The following KSR2 variants were observed in gnomAD, a reference collection of about 807,000 sequenced individuals.
The protein encoded by KSR2 is kinase suppressor of ras 2.
In KSR2, 25 loss-of-function variants were observed where a neutral mutation model predicts 107.8. The ratio of observed to expected loss-of-function variants is 0.23; its 90% CI spans 0.17 to 0.32. KSR2 has a LOEUF of 0.32. KSR2 is among the 10% of genes least tolerant of loss of function. The pLI, the probability that KSR2 is intolerant of heterozygous loss-of-function variation, is 1.00. For synonymous variants in KSR2, 480 were observed against 507.0 expected, an observed-to-expected ratio of 0.95 and a Z score of 0.71; for missense variants, 887 against 1,268.9, an observed-to-expected ratio of 0.70 and a Z score of 4.57.
intron 6 of KSR2, among the ~76,000 whole-genome samples, chr12:117,581,678 T>C (rs1341374570): frequency 6.6e-6 from 1 of 152,158 alleles, no homozygotes; most frequent in Non-Finnish European, 1.5e-5. Flanking sequence ...TTATAAGGGA[T>C]GCCTGGTATA....
intron 9 of KSR2, among the ~76,000 whole-genome samples, chr12:117,547,550 C>A (rs781089863): frequency 2.0e-5 from 3 of 152,136 alleles, no homozygotes; most frequent in Middle Eastern, 3.4e-3. Flanking sequence ...CAGGGTTCAG[C>A]TTGACAAGGA....
At position 117,530,940 on chromosome 12, in the gene KSR2, C is replaced by T; in HGVS notation, c.1802+1G>A. 6.2e-7 allele frequency: 1 copy of T among 1,613,684 alleles called. No homozygotes were observed. The highest frequency in any genetic ancestry group is 8.5e-7 in the Non-Finnish European group (1 of 1,179,656). On this transcript the variant is annotated splice_donor_variant, in intron 12 of 19. Transcript: ENST00000339824. LOFTEE classifies it high-confidence loss of function. ...GGGGAAGATGTCTCTGTCTCACTTA[C>T]ATTGGATTCGAGGTCACCGGATGCA...
At chr12:117,888,511 G>A (rs1255683158) in intron 1 of KSR2, among the ~76,000 whole-genome samples, 1 of 152,140 alleles carries the variant, frequency 6.6e-6, no homozygotes, top group Non-Finnish European at 1.5e-5. Context: ...GGAGATGGGG[G>A]CCTAGGGAGT....
intron 1 of KSR2, among the ~76,000 whole-genome samples, chr12:117,914,031 T>A (rs1895103804): frequency 6.6e-6 from 1 of 152,092 alleles, no homozygotes; most frequent in South Asian, 2.1e-4. Context: ...TTACTGGCCA[T>A]GTAATATGGA....
chr12:117,469,640 G>A, intron 19 of KSR2, 22 bp downstream of exon 19: 1 of 1,609,530 alleles, frequency 6.2e-7, no homozygotes, highest in Non-Finnish European at 8.5e-7. Flanking sequence ...AGTGGGGAGA[G>A]ACATTAAGGG....
chr12:117,697,533 G>C (rs1156540642), intron 4 of KSR2, among the ~76,000 whole-genome samples: 1 of 152,116 alleles, frequency 6.6e-6, no homozygotes, highest in East Asian at 1.9e-4. Context: ...ACAAAGTCAG[G>C]AGTTCAAGAC....
At chr12:117,818,335 C>T (rs1891446407) in intron 3 of KSR2, among the ~76,000 whole-genome samples, 1 of 152,098 alleles carries the variant, frequency 6.6e-6, no homozygotes, top group African/African-American at 2.4e-5. Flanking sequence ...GAGGCTACAA[C>T]CAAGGACTCT....
In KSR2 at chr12:117,688,117, C is replaced by T. The variant is rs183413422; in HGVS notation, c.987-20459G>A. On this transcript the variant is annotated intron_variant, in intron 4 of 19. Transcript: ENST00000339824. ...TCTATTGGCCGGGTGTGGTGGCTCA[C>T]GCCTGTAATCCCAGCACTTTGGGAG... 6.1e-3 allele frequency among the ~76,000 whole-genome samples: 923 copies of T among 152,310 alleles called. 10 individuals are homozygous for T. The highest frequency in any genetic ancestry group is 9.6e-3 in the Non-Finnish European group (655 of 68,024).
At chr12:117,882,881 G>GCAT (rs1894069834) in intron 1 of KSR2, among the ~76,000 whole-genome samples, 1 of 135,722 alleles carries the variant, frequency 7.4e-6, no homozygotes, top group Non-Finnish European at 1.6e-5. Context: ...ATCCATGCAG[G>GCAT]CATCCATCCA....
chr12:117,735,371 A>G (rs1032153819), intron 4 of KSR2, among the ~76,000 whole-genome samples: 4 of 152,172 alleles, frequency 2.6e-5, no homozygotes, highest in East Asian at 1.9e-4. Flanking sequence ...GGCGCCTGCC[A>G]GTGGCCAAGC....
chr12:117,688,609 C>T (rs1281212926), intron 4 of KSR2, among the ~76,000 whole-genome samples: 4 of 152,168 alleles, frequency 2.6e-5, no homozygotes, highest in African/African-American at 9.7e-5. Context: ...AAGCAAAATA[C>T]TTTTCACATG....
chr12:117,769,270 C>T (rs747059323), intron 3 of KSR2, among the ~76,000 whole-genome samples: 6 of 152,014 alleles, frequency 3.9e-5, no homozygotes, highest in Non-Finnish European at 7.4e-5. Flanking sequence ...CGTTCACCTA[C>T]TGTTCCTCTC....
rs781719417 is a variant in KSR2, at chr12:117,539,752, A to G, written c.1654T>C (p.Cys552Arg). Residue 552 changes from cysteine to arginine, a missense_variant, in exon 10 of 20, where the codon TGC (cysteine) becomes CGC (arginine). Transcript: ENST00000339824. Reference protein sequence around the residue: ...PPSPLHPSPQCTRQQKNFNLP... With the variant: ...PPSPLHPSPQRTRQQKNFNLP... ...TTGAAGTTCTTCTGCTGCCGTGTGC[A>G]CTGTGGGGAAGGGTGTAGGGGAGAA... The G allele has an allele frequency of 1.2e-6, 2 of 1,606,926 alleles. No homozygotes were observed. The highest frequency in any genetic ancestry group is 1.1e-5 in the South Asian group (1 of 90,480).
intron 6 of KSR2, among the ~76,000 whole-genome samples, chr12:117,579,807 C>T (rs1047390589): frequency 6.6e-6 from 1 of 152,196 alleles, no homozygotes; most frequent in South Asian, 2.1e-4. Flanking sequence ...CATCAGCTCA[C>T]CTCGCTCTCC....
At chr12:117,909,782 C>T (rs773167899) in intron 1 of KSR2, among the ~76,000 whole-genome samples, 5 of 151,812 alleles carry the variant, frequency 3.3e-5, no homozygotes, top group African/African-American at 7.3e-5. Flanking sequence ...GTGGCGCATG[C>T]CTGTAGTCCC....
intron 3 of KSR2, among the ~76,000 whole-genome samples, chr12:117,822,147 A>G (rs1169517179): frequency 6.6e-6 from 1 of 152,206 alleles, no homozygotes; most frequent in African/African-American, 2.4e-5. Context: ...ATGATCTAAA[A>G]AGGGGAGGCA....
At chr12:117,880,657 C>A (rs1025930977) in intron 1 of KSR2, among the ~76,000 whole-genome samples, 23 of 151,390 alleles carry the variant, frequency 1.5e-4, no homozygotes, top group Admixed American at 8.6e-4. Flanking sequence ...CGGAGGAAGC[C>A]GTAAACATCC....
At chr12:117,566,135 C>CTCAA (rs1878477630) in intron 7 of KSR2, among the ~76,000 whole-genome samples, 1 of 151,944 alleles carries the variant, frequency 6.6e-6, no homozygotes, top group African/African-American at 2.4e-5. Flanking sequence ...ACCCTCCTTG[C>CTCAA]TCAAGTAGGC....
rs540907787 is a variant in KSR2 at position 117,824,652 on chromosome 12, C to T, written c.472+30776G>A. On this transcript the variant is annotated intron_variant, in intron 3 of 19. Transcript: ENST00000339824. ...CGGGCGGATCACGAGGTCAGGAGATCGAGACCATCCTGGCTAACACAGTGA... is the reference window on the plus strand; with the variant it reads ...CGGGCGGATCACGAGGTCAGGAGATTGAGACCATCCTGGCTAACACAGTGA... Among the ~76,000 whole-genome samples, 8 of 151,484 alleles carry T rather than the reference C, an allele frequency of 5.3e-5. No individual in the cohort carries two copies. The South Asian group carries it at 6.3e-4, about 12-fold the overall frequency.
Sources: allele counts gnomAD v4.1 joint callset (sites outside exome capture counted in the v4.1 genomes callset), GRCh38; gene constraint gnomAD v4.1.1; transcripts MANE v1.5; gene names NCBI Gene and HGNC (gene_info 2026-07-23, HGNC 2026-07-21).